Variants in ROBO1 observed in about 807,000 individuals in gnomAD.
ROBO1 encodes the protein roundabout guidance receptor 1.
Under a neutral mutation model 195.9 loss-of-function variants are expected in ROBO1, and 149 were observed. The observed-to-expected ratio is 0.76, with a 90% confidence interval of 0.67 to 0.87. ROBO1 has a LOEUF of 0.87. ROBO1 is among the 40% of genes least tolerant of loss of function. The pLI is 0.00. For missense variants in ROBO1, 1,933 were observed against 2,068.3 expected, an observed-to-expected ratio of 0.93 and a Z score of 1.27; for synonymous variants, 816 against 733.2, an observed-to-expected ratio of 1.11 and a Z score of -1.82.
At chr3:79,166,572 T>A (rs1050000277) in intron 2 of ROBO1, among the ~76,000 whole-genome samples, 9 of 148,504 alleles carry the variant, frequency 6.1e-5, no homozygotes, top group Non-Finnish European at 1.0e-4. Context: ...TTTTTTTTTT[T>A]TTTTTATTTT....
At chr3:78,745,787 C>G (rs1192177449) in intron 5 of ROBO1, among the ~76,000 whole-genome samples, 1 of 152,208 alleles carries the variant, frequency 6.6e-6, no homozygotes, top group Non-Finnish European at 1.5e-5. Context: ...AACACCTGGT[C>G]TAACACAACC....
At chr3:78,780,764 A>G (rs546095408) in intron 4 of ROBO1, among the ~76,000 whole-genome samples, 3 of 152,172 alleles carry the variant, frequency 2.0e-5, no homozygotes, top group Admixed American at 2.0e-4. Context: ...TGCCTACCAC[A>G]TTCATTTCTG....
intron 2 of ROBO1, among the ~76,000 whole-genome samples, chr3:79,414,089 G>A (rs1336953166): frequency 6.6e-6 from 1 of 151,936 alleles, no homozygotes; most frequent in Non-Finnish European, 1.5e-5. Context: ...CTGAAGAGAG[G>A]TTTATCTTCT....
chr3:79,017,113 G>A (rs1289607095), intron 3 of ROBO1, among the ~76,000 whole-genome samples: 1 of 152,038 alleles, frequency 6.6e-6, no homozygotes, highest in African/African-American at 2.4e-5. Context: ...TTTCTTTAAA[G>A]AAGTAACAAT....
At chr3:79,664,562 T>G (rs562472678) in intron 1 of ROBO1, among the ~76,000 whole-genome samples, 14 of 152,148 alleles carry the variant, frequency 9.2e-5, no homozygotes, top group African/African-American at 2.2e-4. Context: ...TGGCTTCAAT[T>G]TATTTTTTCA....
chr3:79,284,657 G>C (rs1202300594), intron 2 of ROBO1, among the ~76,000 whole-genome samples: 1 of 152,092 alleles, frequency 6.6e-6, no homozygotes, highest in Admixed American at 6.5e-5. Context: ...ATCAAGTTTT[G>C]AAAGTAGAAA....
chr3:78,636,246 G>T (rs1417199782), intron 22 of ROBO1, 138 bp from the exon 23 acceptor site: 2 of 562,808 alleles, frequency 3.6e-6, no homozygotes, highest in Non-Finnish European at 6.1e-6. Context: ...CAATAAAAAC[G>T]GCCAAATATC....
intron 4 of ROBO1, among the ~76,000 whole-genome samples, chr3:78,872,393 T>G (rs2035606530): frequency 6.6e-6 from 1 of 152,234 alleles, no homozygotes. Context: ...TTTGATAATC[T>G]TGTCTGGACT....
At chr3:79,536,654 T>G (rs1401304952) in intron 2 of ROBO1, among the ~76,000 whole-genome samples, 2 of 151,416 alleles carry the variant, frequency 1.3e-5, no homozygotes, top group Non-Finnish European at 2.9e-5. Flanking sequence ...ATTAGTGATA[T>G]TCATGAAACA....
chr3:79,751,834 C>T (rs895569830), intron 1 of ROBO1, among the ~76,000 whole-genome samples: 20 of 152,096 alleles, frequency 1.3e-4, no homozygotes, highest in Middle Eastern at 3.4e-3. Context: ...TATACTTTTC[C>T]ATTTATTTTA....
chr3:79,342,442 C>A (rs565947766), intron 2 of ROBO1, among the ~76,000 whole-genome samples: 3 of 152,118 alleles, frequency 2.0e-5, no homozygotes, highest in Non-Finnish European at 4.4e-5. Context: ...TTAAAGCTTG[C>A]TTTCTAGATG....
intron 2 of ROBO1, among the ~76,000 whole-genome samples, chr3:79,209,668 TATTTTTTAA>T (rs2081936589): frequency 6.6e-6 from 1 of 152,208 alleles, no homozygotes; most frequent in Admixed American, 6.5e-5. Context: ...AACATTGTTT[TATTTTTTAA>T]TTTTTTTAAA....
intron 2 of ROBO1, among the ~76,000 whole-genome samples, chr3:79,537,280 A>G (rs919331924): frequency 7.2e-5 from 11 of 152,070 alleles, no homozygotes; most frequent in African/African-American, 2.7e-4. Context: ...ACAGATCCTG[A>G]GCGAAAGATT....
intron 2 of ROBO1, among the ~76,000 whole-genome samples, chr3:79,375,900 G>C (rs2109353214): frequency 6.6e-6 from 1 of 152,264 alleles, no homozygotes; most frequent in South Asian, 2.1e-4. Flanking sequence ...TTTCCTAGTT[G>C]TGTGACATTG....
At chr3:78,946,039 C>T (rs576548408) in intron 3 of ROBO1, among the ~76,000 whole-genome samples, 5 of 152,058 alleles carry the variant, frequency 3.3e-5, no homozygotes, top group Non-Finnish European at 5.9e-5. Context: ...ACCAAATCTA[C>T]GTCTGATTGG....
intron 1 of ROBO1, among the ~76,000 whole-genome samples, chr3:79,650,107 A>T (rs1194585942): frequency 6.6e-6 from 1 of 152,014 alleles, no homozygotes; most frequent in African/African-American, 2.4e-5. Flanking sequence ...TATAATTGAG[A>T]ACAAAGAAAA....
At position 79,343,384 on chromosome 3, in the gene ROBO1, T is replaced by C. The variant is rs139271031; in HGVS notation, c.89-217845A>G. Among the ~76,000 whole-genome samples the C allele has an allele frequency of 2.9e-3, 443 of 152,096 alleles. 3 individuals are homozygous for C. Among genetic ancestry groups the C allele is most frequent in the African/African-American group, 9.9e-3 (412 of 41,486 alleles). On this transcript the variant is annotated intron_variant, in intron 2 of 30. Transcript: ENST00000464233. ...TGGTTGCTGGATCACATGGTAAGAG[T>C]ATGTTTAGTTTTGTAAGAAACTGTT...
intron 2 of ROBO1, among the ~76,000 whole-genome samples, chr3:79,573,989 C>G (rs1004645981): frequency 3.3e-5 from 5 of 152,010 alleles, no homozygotes; most frequent in Admixed American, 2.6e-4. Flanking sequence ...TTGCAACTAT[C>G]CAGGGAAACT....
At chr3:79,326,150 T>C (rs989838565) in intron 2 of ROBO1, among the ~76,000 whole-genome samples, 6 of 152,162 alleles carry the variant, frequency 3.9e-5, no homozygotes, top group Admixed American at 3.3e-4. Flanking sequence ...CCTGATAAGA[T>C]GTTATCCATG....
Sources: allele counts gnomAD v4.1 joint callset (sites outside exome capture counted in the v4.1 genomes callset), GRCh38; gene constraint gnomAD v4.1.1; transcripts MANE v1.5; gene names NCBI Gene and HGNC (gene_info 2026-07-23, HGNC 2026-07-21).